Variants in RAPGEF5 observed in about 807,000 individuals in gnomAD.
RAPGEF5 encodes Rap guanine nucleotide exchange factor 5, also known as M-Ras-regulated GEF.
Under a neutral mutation model 125.2 loss-of-function variants are expected in RAPGEF5, and 65 were observed. That is an observed-to-expected ratio of 0.52 (90% confidence interval 0.43 to 0.64). The LOEUF (loss-of-function observed/expected upper bound fraction) is 0.64. RAPGEF5 is among the 30% of genes least tolerant of loss of function. The pLI is 0.00. For synonymous variants in RAPGEF5, 391 were observed against 385.9 expected (o/e 1.01, Z -0.16); for missense variants, 958 against 1,048.1 (o/e 0.91, Z 1.19).
Position 22,305,450 on chromosome 7 carries a change from T to C in RAPGEF5, c.680+2889A>G, listed in dbSNP as rs1471852357. On this transcript the variant is annotated intron_variant, in intron 5 of 25. Coordinates refer to ENST00000665637, the MANE Select transcript of RAPGEF5 (RefSeq NM_012294.5). Reference sequence around the variant, plus strand: ...CTGGGTACAGAGTAGGTATATATATTTACGGGGTACATGAGATGTTTCGAT... The same window carrying C: ...CTGGGTACAGAGTAGGTATATATATCTACGGGGTACATGAGATGTTTCGAT... 2.0e-5 allele frequency among the ~76,000 whole-genome samples: 3 copies of C among 152,132 alleles called. No individual in the cohort carries two copies. In the East Asian group the frequency reaches 5.8e-4, roughly 29 times the overall value.
chr7:22,134,975 A>G (rs1243861740), intron 23 of RAPGEF5, among the ~76,000 whole-genome samples: 1 of 152,226 alleles, frequency 6.6e-6, no homozygotes, highest in Non-Finnish European at 1.5e-5. Context: ...ATATTTGATG[A>G]AGGAAGACTC....
At chr7:22,170,766 T>C (rs970574239) in intron 11 of RAPGEF5, among the ~76,000 whole-genome samples, 2 of 152,142 alleles carry the variant, frequency 1.3e-5, no homozygotes, top group African/African-American at 4.8e-5. Context: ...ATGCTTATTT[T>C]CTCCTAAGCC....
chr7:22,230,122 T>C (rs529145472), intron 8 of RAPGEF5, among the ~76,000 whole-genome samples: 4 of 152,276 alleles, frequency 2.6e-5, no homozygotes, highest in Admixed American at 2.6e-4. Flanking sequence ...TTAAGAAACT[T>C]GGAGAAAGTG....
chr7:22,215,804 G>C (rs1383407635), intron 9 of RAPGEF5, among the ~76,000 whole-genome samples: 5 of 152,106 alleles, frequency 3.3e-5, no homozygotes, highest in African/African-American at 1.2e-4. Context: ...ATTTTCAAAG[G>C]GTTCTGGAAA....
rs1782192748 is a variant in RAPGEF5 at position 22,262,973 on chromosome 7, C to A, written c.796+3991G>T. Among the ~76,000 whole-genome samples, 6 of 152,042 alleles carry A rather than the reference C, an allele frequency of 3.9e-5. No individual in the cohort carries two copies. The South Asian group carries it at 1.2e-3, about 32-fold the overall frequency. ...GAGTGAGACCCTGTCTCAAAACAAA[C>A]AAACAAACAAAAACAAGGAAAAAGC... On this transcript the variant is annotated intron_variant, in intron 7 of 25. Coordinates refer to ENST00000665637, the MANE Select transcript of RAPGEF5 (RefSeq NM_012294.5).
Position 22,334,792 on chromosome 7 carries a change from G to A in RAPGEF5, c.232-16755C>T, listed in dbSNP as rs1783994136. On this transcript the variant is annotated intron_variant, in intron 1 of 25. Coordinates refer to ENST00000665637, the MANE Select transcript of RAPGEF5 (RefSeq NM_012294.5). ...TGCCCACAGTCATTCAGTGGGTGAGGGTCAGGGAAACCCTGGATAGCTGGA... is the reference window on the plus strand; with the variant it reads ...TGCCCACAGTCATTCAGTGGGTGAGAGTCAGGGAAACCCTGGATAGCTGGA... 2.0e-5 allele frequency among the ~76,000 whole-genome samples: 3 copies of A among 152,158 alleles called. No individual in the cohort carries two copies. The South Asian group carries it at 6.2e-4, about 32-fold the overall frequency.
intron 17 of RAPGEF5, among the ~76,000 whole-genome samples, 189 bp downstream of exon 17, chr7:22,154,266 T>C (rs1562722755): frequency 1.3e-5 from 2 of 152,316 alleles, no homozygotes; most frequent in East Asian, 1.9e-4. Flanking sequence ...GGGAGGAAAT[T>C]CAGTATCCCA....
intron 16 of RAPGEF5, among the ~76,000 whole-genome samples, chr7:22,155,160 G>A (rs779041955): frequency 4.6e-5 from 7 of 152,114 alleles, no homozygotes; most frequent in Non-Finnish European, 1.0e-4. Flanking sequence ...AGCTTTCTCA[G>A]TCATTTAAGA....
At chr7:22,148,903 C>A (rs1026623337) in intron 18 of RAPGEF5, among the ~76,000 whole-genome samples, 9 of 152,128 alleles carry the variant, frequency 5.9e-5, no homozygotes, top group Non-Finnish European at 1.2e-4. Context: ...GCGGTAAAAT[C>A]AATCTCATTA....
chr7:22,245,512 A>G (rs1786453870), intron 7 of RAPGEF5, among the ~76,000 whole-genome samples: 1 of 151,930 alleles, frequency 6.6e-6, no homozygotes, highest in Non-Finnish European at 1.5e-5. Flanking sequence ...AGGGGGTCCA[A>G]TTTCATTCTT....
chr7:22,307,689 A>G (rs1783374752), intron 5 of RAPGEF5, among the ~76,000 whole-genome samples: 1 of 152,176 alleles, frequency 6.6e-6, no homozygotes, highest in Non-Finnish European at 1.5e-5. Context: ...GAAGTGAAAG[A>G]GTCAACAATA....
At chr7:22,132,527 G>A (rs964617986) in intron 23 of RAPGEF5, among the ~76,000 whole-genome samples, 1 of 152,070 alleles carries the variant, frequency 6.6e-6, no homozygotes, top group African/African-American at 2.4e-5. Flanking sequence ...TCCGTGACAC[G>A]GTATTCAGAA....
chr7:22,216,245 T>C (rs1333490765), intron 9 of RAPGEF5, among the ~76,000 whole-genome samples: 2 of 152,176 alleles, frequency 1.3e-5, no homozygotes, highest in African/African-American at 4.8e-5. Flanking sequence ...CAGAGAGATC[T>C]TACAAAGGCC....
chr7:22,242,712 G>T (rs752009633), intron 7 of RAPGEF5, among the ~76,000 whole-genome samples: 2 of 152,094 alleles, frequency 1.3e-5, no homozygotes, highest in African/African-American at 4.8e-5. Flanking sequence ...AGCACTTTGG[G>T]AGGCCGAGGC....
intron 23 of RAPGEF5, among the ~76,000 whole-genome samples, chr7:22,131,993 C>G (rs980997100): frequency 3.9e-5 from 6 of 152,110 alleles, no homozygotes; most frequent in African/African-American, 7.2e-5. Flanking sequence ...AATAAATATA[C>G]TATAATTTAA....
At position 22,129,473 on chromosome 7, in the gene RAPGEF5, G is replaced by A. The variant is rs571929823; in HGVS notation, c.2481+1564C>T. 3.9e-5 allele frequency among the ~76,000 whole-genome samples: 6 copies of A among 152,292 alleles called. No individual in the cohort carries two copies. In the East Asian group the frequency reaches 7.7e-4, roughly 20 times the overall value. On this transcript the variant is annotated intron_variant, in intron 24 of 25. Coordinates refer to ENST00000665637, the MANE Select transcript of RAPGEF5 (RefSeq NM_012294.5). ...TTGGCCAGGAAGCGAAGTAAATATT[G>A]ACCAAAGGCTTCATATTCCCGCAAT...
chr7:22,131,147 C>T lies in RAPGEF5; in HGVS notation c.2417-46G>A, dbSNP rs540519129. 34 of 1,497,584 alleles carry T rather than the reference C, an allele frequency of 2.3e-5. No individual in the cohort carries two copies. In the South Asian group the frequency reaches 4.4e-4, roughly 20 times the overall value. The allele number at this position is 1,497,584 out of a possible 1,614,324, so 92.8% of individuals were successfully genotyped here. A position where few individuals can be genotyped will look rare whatever the true frequency, so the allele number is the denominator to read the frequency against. ...GATGTATGTATCATTAGGAATGGATCATGAGTCAGGGCTGAAGAGGTCTAG... is the reference window on the plus strand; with the variant it reads ...GATGTATGTATCATTAGGAATGGATTATGAGTCAGGGCTGAAGAGGTCTAG... On this transcript the variant is annotated intron_variant, in intron 23 of 25. Transcript: ENST00000665637.
intron 7 of RAPGEF5, 81 bp from the exon 8 acceptor site, chr7:22,231,000 A>G: frequency 2.3e-6 from 3 of 1,321,410 alleles, no homozygotes; most frequent in South Asian, 2.6e-5. Flanking sequence ...ATCGCAATTT[A>G]GCGGGAAAAA....
intron 1 of RAPGEF5, among the ~76,000 whole-genome samples, chr7:22,339,582 C>A (rs965603401): frequency 1.3e-5 from 2 of 152,138 alleles, no homozygotes; most frequent in African/African-American, 4.8e-5. Flanking sequence ...CCAGGAAATG[C>A]AAAAGAGGGT....
Sources: allele counts gnomAD v4.1 joint callset (sites outside exome capture counted in the v4.1 genomes callset), GRCh38; gene constraint gnomAD v4.1.1; transcripts MANE v1.5; gene names NCBI Gene and HGNC (gene_info 2026-07-23, HGNC 2026-07-21).